LINGO2: variants seen among roughly 807,000 people sequenced by gnomAD.
LINGO2 encodes leucine-rich repeat and immunoglobulin-like domain-containing nogo receptor-interacting protein 2.
Under a neutral mutation model 30.6 loss-of-function variants are expected in LINGO2, and 14 were observed. The observed-to-expected ratio is 0.46, with a 90% confidence interval of 0.30 to 0.72. The LOEUF (loss-of-function observed/expected upper bound fraction) is 0.72, where lower values mean the gene tolerates loss of function less well. Among genes scored for constraint, LINGO2 ranks in the 30% least tolerant of loss-of-function variants. The pLI is 0.07. For missense variants in LINGO2, 729 were observed against 751.7 expected (o/e 0.97, Z 0.35); for synonymous variants, 317 against 288.5 (o/e 1.10, Z -1.00).
chr9:28,990,682 C>T, the LINGO2 span, among the ~76,000 whole-genome samples: 1 of 152,148 alleles, frequency 6.6e-6, no homozygotes, highest in African/African-American at 2.4e-5. Flanking sequence ...GATCAGACAG[C>T]AGCATTCGCG....
At chr9:28,951,473 C>T in the LINGO2 span, among the ~76,000 whole-genome samples, 1 of 152,056 alleles carries the variant, frequency 6.6e-6, no homozygotes. Flanking sequence ...TAGCAATCAT[C>T]CTGCACCCTG....
chr9:28,171,966 C>T (rs1458063182), intron 4 of LINGO2, among the ~76,000 whole-genome samples: 3 of 121,606 alleles, frequency 2.5e-5, no homozygotes, highest in Non-Finnish European at 3.2e-5. Flanking sequence ...TGCAGTGAGC[C>T]GAGATCACGC....
intron 3 of LINGO2, among the ~76,000 whole-genome samples, chr9:28,337,731 C>T (rs1825635904): frequency 6.6e-6 from 1 of 152,070 alleles, no homozygotes; most frequent in Non-Finnish European, 1.5e-5. Flanking sequence ...GAGTGCCAGC[C>T]CCAAACTTTG....
the LINGO2 span, among the ~76,000 whole-genome samples, chr9:28,869,007 G>A: frequency 6.6e-6 from 1 of 151,838 alleles, no homozygotes; most frequent in Non-Finnish European, 1.5e-5. Context: ...TTTTAGCTCA[G>A]GACTATTTGT....
the LINGO2 span, among the ~76,000 whole-genome samples, chr9:28,720,170 G>C: frequency 6.6e-6 from 1 of 151,978 alleles, no homozygotes; most frequent in African/African-American, 2.4e-5. Context: ...CACTTAATTT[G>C]ACATATATAA....
the LINGO2 span, among the ~76,000 whole-genome samples, chr9:29,067,021 C>T: frequency 6.6e-6 from 1 of 151,652 alleles, no homozygotes; most frequent in Non-Finnish European, 1.5e-5. Flanking sequence ...ATATTCTAAT[C>T]TAGGGAGAAT....
intron 5 of LINGO2, among the ~76,000 whole-genome samples, chr9:27,987,186 A>G (rs1821165520): frequency 6.6e-6 from 1 of 151,930 alleles, no homozygotes; most frequent in African/African-American, 2.4e-5. Context: ...TTTCTCCCAT[A>G]GCAAATATTC....
the LINGO2 span, among the ~76,000 whole-genome samples, chr9:28,823,709 G>C: frequency 6.6e-6 from 1 of 152,186 alleles, no homozygotes; most frequent in African/African-American, 2.4e-5. Flanking sequence ...AGGCGGCACT[G>C]AACTGTCAAC....
At chr9:28,566,501 T>C (rs932297721) in intron 1 of LINGO2, among the ~76,000 whole-genome samples, 1 of 152,086 alleles carries the variant, frequency 6.6e-6, no homozygotes, top group African/African-American at 2.4e-5. Flanking sequence ...CTTTATACCA[T>C]TGGTATAATG....
intron 1 of LINGO2, among the ~76,000 whole-genome samples, chr9:28,637,005 G>A (rs947898962): frequency 2.6e-5 from 4 of 152,262 alleles, no homozygotes; most frequent in Admixed American, 6.5e-5. Flanking sequence ...TGTATAAGGT[G>A]TAAGGAAGGG....
chr9:28,766,815 AG>A, the LINGO2 span, among the ~76,000 whole-genome samples: 125 of 22,154 alleles, frequency 5.6e-3, no homozygotes, highest in South Asian at 0.021. Context: ...GGAAGGAGAG[AG>A]AGAGAGAGAG....
chr9:29,072,555 C>T, the LINGO2 span, among the ~76,000 whole-genome samples: 4 of 148,580 alleles, frequency 2.7e-5, no homozygotes, highest in Non-Finnish European at 6.0e-5. Flanking sequence ...GGATAATATA[C>T]ACAAATATCT....
At chr9:28,730,554 C>G in the LINGO2 span, among the ~76,000 whole-genome samples, 1 of 152,016 alleles carries the variant, frequency 6.6e-6, no homozygotes, top group African/African-American at 2.4e-5. Flanking sequence ...AAGCACATAT[C>G]CAATAAAGGA....
chr9:28,583,344 A>AT, intron 1 of LINGO2, among the ~76,000 whole-genome samples: 1 of 151,982 alleles, frequency 6.6e-6, no homozygotes, highest in Non-Finnish European at 1.5e-5. Context: ...GATTGCAAAA[A>AT]TTTTTTAAAT....
rs78547242 is a variant in LINGO2 at position 27,958,381 on chromosome 9, G to T, written c.-35-7675C>A. 0.014 allele frequency among the ~76,000 whole-genome samples: 2,087 copies of T among 151,926 alleles called. 133 individuals are homozygous for T. The East Asian group carries it at 0.2, about 14-fold the overall frequency. On this transcript the variant is annotated intron_variant, in intron 5 of 5. Coordinates refer to ENST00000379992, the Ensembl canonical transcript of LINGO2. ...ATTTGGTCAGTAGTTTTTCTACTTC[G>T]TGAGAATTTTTGTCTAATTTTTAGT...
At chr9:29,209,757 C>G in the LINGO2 span, among the ~76,000 whole-genome samples, 2 of 152,064 alleles carry the variant, frequency 1.3e-5, no homozygotes, top group Non-Finnish European at 2.9e-5. Flanking sequence ...AGGGAAGAGG[C>G]TTGGTGACAT....
intron 4 of LINGO2, among the ~76,000 whole-genome samples, chr9:28,065,192 T>TAA (rs748360364): frequency 7.2e-6 from 1 of 138,764 alleles, no homozygotes; most frequent in African/African-American, 2.7e-5. Context: ...ATCTCCAAGT[T>TAA]AAAAAAAAAA....
chr9:28,738,739 T>C, the LINGO2 span, among the ~76,000 whole-genome samples: 1 of 152,188 alleles, frequency 6.6e-6, no homozygotes, highest in East Asian at 1.9e-4. Flanking sequence ...AAGGGAGATT[T>C]AAAAGTAAGA....
rs777607245 is a variant in LINGO2, at chr9:28,052,473, T to C, written c.-86-40068A>G. On this transcript the variant is annotated intron_variant, in intron 4 of 5. Transcript: ENST00000379992. The stretch of plus-strand genomic sequence containing the variant: ...TTCTGGGACTTCTGGTTTTCACTAT[T>C]GGGAACATCATTTCCCAGAGGTATA... 1.1e-4 allele frequency among the ~76,000 whole-genome samples: 17 copies of C among 152,174 alleles called. No homozygotes were observed. In the South Asian group the frequency reaches 2.3e-3, roughly 20 times the overall value.
Sources: allele counts gnomAD v4.1 joint callset (sites outside exome capture counted in the v4.1 genomes callset), GRCh38; gene constraint gnomAD v4.1.1; transcripts MANE v1.5; gene names NCBI Gene and HGNC (gene_info 2026-07-23, HGNC 2026-07-21).